The following ATP11B variants were observed in gnomAD, a reference collection of about 807,000 sequenced individuals.
ATP11B encodes the protein ATPase phospholipid transporting 11B (putative).
Under a neutral mutation model 157.8 loss-of-function variants are expected in ATP11B, and 81 were observed. The ratio of observed to expected loss-of-function variants is 0.51; its 90% CI spans 0.43 to 0.62. ATP11B has a LOEUF of 0.62. Ranked by LOEUF, ATP11B falls within the 20% of genes least tolerant of loss-of-function variation. The pLI is 0.00. For synonymous variants in ATP11B, 451 were observed against 469.4 expected (o/e 0.96, Z 0.51); for missense variants, 1,165 against 1,402.2 (o/e 0.83, Z 2.70).
chr3:182,810,531 A>G (rs1176291960), intron 1 of ATP11B, among the ~76,000 whole-genome samples: 1 of 151,998 alleles, frequency 6.6e-6, no homozygotes, highest in Non-Finnish European at 1.5e-5. Flanking sequence ...CATTTCTGAC[A>G]TATAAAATTA....
At chr3:182,861,062 A>C (rs1439405560) in intron 12 of ATP11B, among the ~76,000 whole-genome samples, 1 of 126,140 alleles carries the variant, frequency 7.9e-6, no homozygotes, top group Non-Finnish European at 1.6e-5. Context: ...AAAAACAATA[A>C]TACTTTTTTT....
Position 182,876,614 on chromosome 3 carries a change from C to G in ATP11B, c.2252+2599C>G, listed in dbSNP as rs184274675. Among the ~76,000 whole-genome samples the G allele has an allele frequency of 3.3e-5, 5 of 152,262 alleles. No individual in the cohort carries two copies. In the East Asian group the frequency reaches 9.7e-4, roughly 29 times the overall value. On this transcript the variant is annotated intron_variant, in intron 19 of 29. Transcript: ENST00000323116. ...GCAAGTTGTATAGTGAGGGCTGCTC[C>G]CTGTTCCAAAATGGTGCCTTATTGC...
chr3:182,906,859 C>T (rs1435613633), intron 28 of ATP11B, among the ~76,000 whole-genome samples: 3 of 151,376 alleles, frequency 2.0e-5, no homozygotes, highest in Non-Finnish European at 2.9e-5. Flanking sequence ...GAGGCTGAGG[C>T]GGGTGGATCA....
intron 12 of ATP11B, among the ~76,000 whole-genome samples, chr3:182,864,286 T>G (rs1186157694): frequency 6.6e-6 from 1 of 152,166 alleles, no homozygotes. Context: ...GGCTAGAACC[T>G]TAAGTACAAT....
rs371039942 is a variant in ATP11B at position 182,872,341 on chromosome 3, ATTTG to A, written c.1867-7_1867-4del. On this transcript the variant is annotated splice_polypyrimidine_tract_variant and intron_variant, in intron 17 of 29. Coordinates refer to ENST00000323116, the MANE Select transcript of ATP11B (RefSeq NM_014616.3). Reference sequence around the variant, plus strand: ...TGTTCAATTTTTGTCTTTAATTTTTATTTGTTTGTTTTAGAAAGGGCTAAGAACT... The same window carrying A: ...TGTTCAATTTTTGTCTTTAATTTTTATTTGTTTTAGAAAGGGCTAAGAACT... 243 of 1,477,646 alleles carry A rather than the reference ATTTG, an allele frequency of 1.6e-4. No homozygotes were observed. Among genetic ancestry groups the A allele is most frequent in the East Asian group, 4.0e-4 (17 of 42,792 alleles). 91.5% of individuals were successfully genotyped at this position (1,477,646 alleles called of 1,614,324 possible).
At chr3:182,818,725 T>A (rs1026451822) in intron 1 of ATP11B, among the ~76,000 whole-genome samples, 1 of 152,202 alleles carries the variant, frequency 6.6e-6, no homozygotes, top group South Asian at 2.1e-4. Context: ...TCTGTGTATG[T>A]CTGTGCTTAA....
At chr3:182,853,754 A>C (rs1414312319) in intron 10 of ATP11B, among the ~76,000 whole-genome samples, 1 of 151,512 alleles carries the variant, frequency 6.6e-6, no homozygotes, top group Non-Finnish European at 1.5e-5. Flanking sequence ...CTCAGTCTCA[A>C]AATCACAGCA....
chr3:182,853,646 A>G (rs1048328364), intron 10 of ATP11B, among the ~76,000 whole-genome samples: 1 of 152,234 alleles, frequency 6.6e-6, no homozygotes, highest in Admixed American at 6.5e-5. Context: ...AAATTACAAA[A>G]CATGGCAAGA....
At chr3:182,843,859 C>T (rs1719252222) in intron 8 of ATP11B, 2 of 152,174 alleles carry the variant, frequency 1.3e-5, no homozygotes, top group Non-Finnish European at 2.9e-5. Flanking sequence ...AAATACCATA[C>T]ATTCACATTG....
intron 1 of ATP11B, among the ~76,000 whole-genome samples, chr3:182,807,346 GA>G (rs1017345764): frequency 1.3e-5 from 2 of 150,082 alleles, no homozygotes; most frequent in South Asian, 2.1e-4. Flanking sequence ...AGAGGAAAAA[GA>G]AAAAAAAATG....
chr3:182,854,242 G>C (rs1345583771), intron 10 of ATP11B, among the ~76,000 whole-genome samples: 1 of 152,118 alleles, frequency 6.6e-6, no homozygotes, highest in Admixed American at 6.6e-5. Flanking sequence ...GGCCGAGACG[G>C]GCAGATCACC....
intron 4 of ATP11B, among the ~76,000 whole-genome samples, chr3:182,834,967 C>G (rs1290209409): frequency 6.6e-6 from 1 of 152,076 alleles, no homozygotes; most frequent in African/African-American, 2.4e-5. Context: ...TTAAAGTCAG[C>G]TAGAGAAAAG....
Position 182,848,577 on chromosome 3 carries a change from T to C in ATP11B, c.851+20T>C. ...AGAAAAGTAAGAAAACTGTTTTCAT[T>C]TATTTATATGTAATTATAACTCTAC... On this transcript the variant is annotated intron_variant, in intron 10 of 29. Transcript: ENST00000323116. The C allele has an allele frequency of 2.1e-6, 3 of 1,425,244 alleles. No homozygotes were observed. Among genetic ancestry groups the C allele is most frequent in the Non-Finnish European group, 2.9e-6 (3 of 1,051,544 alleles). The allele number at this position is 1,425,244 out of a possible 1,614,324, so 88.3% of individuals were successfully genotyped here.
intron 1 of ATP11B, among the ~76,000 whole-genome samples, chr3:182,801,578 C>T (rs148199421): frequency 5.3e-5 from 8 of 152,226 alleles, no homozygotes; most frequent in Admixed American, 2.0e-4. Flanking sequence ...TTACAGTTAT[C>T]GGCACATGAC....
intron 28 of ATP11B, among the ~76,000 whole-genome samples, chr3:182,909,814 A>G (rs553195514): frequency 1.3e-5 from 2 of 152,278 alleles, no homozygotes; most frequent in South Asian, 4.1e-4. Context: ...TTATAATCCT[A>G]GCACTTTGGG....
intron 4 of ATP11B, among the ~76,000 whole-genome samples, chr3:182,834,091 A>G (rs9883484): frequency 0.52 from 79,568 of 152,034 alleles, 23,743 homozygotes; most frequent in Non-Finnish European, 0.68. Context: ...GCTTGTATTA[A>G]AAAAAGATGT....
At chr3:182,807,507 A>G (rs1716397067) in intron 1 of ATP11B, among the ~76,000 whole-genome samples, 1 of 152,182 alleles carries the variant, frequency 6.6e-6, no homozygotes, top group African/African-American at 2.4e-5. Flanking sequence ...CAGCGTGGCA[A>G]ATTATTTTTT....
chr3:182,796,436 A>G (rs1576936373), intron 1 of ATP11B, among the ~76,000 whole-genome samples: 2 of 152,228 alleles, frequency 1.3e-5, no homozygotes, highest in East Asian at 3.8e-4. Flanking sequence ...ATTAGCCACA[A>G]GTGGCCATTA....
intron 1 of ATP11B, among the ~76,000 whole-genome samples, chr3:182,817,286 G>T (rs1435839886): frequency 1.0e-3 from 149 of 143,072 alleles, no homozygotes; most frequent in Middle Eastern, 7.0e-3. Context: ...TTTTTTTTTT[G>T]TTTGTTTGTT....
Sources: gnomAD v4.1 joint callset for allele counts (sites outside exome capture counted in the v4.1 genomes callset) on GRCh38, gnomAD v4.1.1 for gene constraint, MANE v1.5 for transcripts, NCBI Gene and HGNC (gene_info 2026-07-23, HGNC 2026-07-21) for gene names.